Variants in NRXN3 observed in about 807,000 individuals in gnomAD.
NRXN3 encodes neurexin 3.
NRXN3 carries 32 observed loss-of-function variants against 137.6 expected under a neutral mutation model. The observed-to-expected ratio is 0.23, with a 90% CI of 0.18 to 0.31. The LOEUF is 0.31. NRXN3 is among the 10% of genes least tolerant of loss of function. The pLI, the probability that NRXN3 is intolerant of heterozygous loss-of-function variation, is 1.00. For missense variants in NRXN3, 1,574 were observed against 2,062.5 expected (o/e 0.76, Z 4.59); for synonymous variants, 798 against 784.5 (o/e 1.02, Z -0.29).
rs548516529 is a variant in NRXN3 at position 79,867,648 on chromosome 14, G to A, written c.*5684G>A. On this transcript the variant is annotated 3_prime_UTR_variant, in exon 21 of 21. Transcript: ENST00000335750. ...AACATATGAATGTTGGAGGGGATAT[G>A]GTTCTGTTTCTAGCAAATGTATAGT... 1 of 152,136 alleles carries A rather than the reference G, an allele frequency of 6.6e-6. No individual in the cohort carries two copies. Among genetic ancestry groups the A allele is most frequent in the African/African-American group, 2.4e-5 (1 of 41,416 alleles). 9.4% of individuals were successfully genotyped at this position (152,136 alleles called of 1,614,324 possible). A position where few individuals can be genotyped will look rare whatever the true frequency, so the allele number is the denominator to read the frequency against.
chr14:79,305,508 A>C (rs1053879134), intron 15 of NRXN3, among the ~76,000 whole-genome samples: 2 of 152,060 alleles, frequency 1.3e-5, no homozygotes, highest in African/African-American at 4.8e-5. Context: ...GGAATCATAG[A>C]GGTCATCTCA....
chr14:79,367,998 T>C, intron 15 of NRXN3, among the ~76,000 whole-genome samples: 1 of 152,182 alleles, frequency 6.6e-6, no homozygotes, highest in Middle Eastern at 3.2e-3. Flanking sequence ...AAGATCAGGG[T>C]TCCTGAACGT....
chr14:78,300,335 G>A (rs2076757043), intron 4 of NRXN3, among the ~76,000 whole-genome samples: 1 of 152,228 alleles, frequency 6.6e-6, no homozygotes, highest in South Asian at 2.1e-4. Context: ...ATGTGGCTGT[G>A]CAGTACTTTT....
At chr14:79,348,152 G>A (rs2092993274) in intron 15 of NRXN3, among the ~76,000 whole-genome samples, 1 of 151,852 alleles carries the variant, frequency 6.6e-6, no homozygotes, top group African/African-American at 2.4e-5. Context: ...CCAGTATATT[G>A]AAATTACCCA....
At position 79,754,752 on chromosome 14, in the gene NRXN3, A is replaced by C. The variant is rs369791836; in HGVS notation, c.4015-50360A>C. 2.6e-5 allele frequency among the ~76,000 whole-genome samples: 4 copies of C among 151,630 alleles called. No homozygotes were observed. In the East Asian group the frequency reaches 7.8e-4, roughly 29 times the overall value. On this transcript the variant is annotated intron_variant, in intron 19 of 20. Coordinates refer to ENST00000335750, the MANE Select transcript of NRXN3 (RefSeq NM_001330195.2). Reference sequence around the variant, plus strand: ...AATCTCATCTTGAATTATCATCTGAATTGTAATCCCTGTTTGTTGTGGGAG... The same window carrying C: ...AATCTCATCTTGAATTATCATCTGACTTGTAATCCCTGTTTGTTGTGGGAG...
At chr14:78,879,568 GTTAT>G (rs2099122680) in intron 10 of NRXN3, among the ~76,000 whole-genome samples, 6 of 152,044 alleles carry the variant, frequency 3.9e-5, no homozygotes. Context: ...TTTTAATTGG[GTTAT>G]TTGTTTACTT....
chr14:79,607,967 G>T (rs2098044463), intron 16 of NRXN3, among the ~76,000 whole-genome samples: 1 of 152,140 alleles, frequency 6.6e-6, no homozygotes, highest in Non-Finnish European at 1.5e-5. Context: ...CCACCACCGT[G>T]CCTGGCCATC....
chr14:78,193,125 T>C (rs1004837099), intron 1 of NRXN3, among the ~76,000 whole-genome samples: 8 of 152,184 alleles, frequency 5.3e-5, no homozygotes, highest in Non-Finnish European at 2.9e-5. Flanking sequence ...GAGAACTGCA[T>C]GATTCAGTGC....
intron 15 of NRXN3, among the ~76,000 whole-genome samples, chr14:79,116,453 C>T (rs954876479): frequency 1.1e-4 from 16 of 152,190 alleles, no homozygotes; most frequent in Admixed American, 2.6e-4. Flanking sequence ...GACCCCATTA[C>T]GCATACACCA....
chr14:78,747,586 A>G (rs1201337104), intron 8 of NRXN3, among the ~76,000 whole-genome samples: 1 of 152,162 alleles, frequency 6.6e-6, no homozygotes, highest in Non-Finnish European at 1.5e-5. Flanking sequence ...TCTTATTTGA[A>G]CTAAGAACCC....
chr14:79,690,403 G>T (rs1036771584), intron 17 of NRXN3, among the ~76,000 whole-genome samples: 1 of 151,782 alleles, frequency 6.6e-6, no homozygotes, highest in Non-Finnish European at 1.5e-5. Context: ...TTTCCTCTTT[G>T]CCTGCCCTCT....
intron 4 of NRXN3, among the ~76,000 whole-genome samples, chr14:78,419,961 G>GCGCGCGCACACACACACA (rs1555518606): frequency 5.3e-4 from 26 of 49,236 alleles, no homozygotes; most frequent in African/African-American, 1.2e-3. Context: ...GCGCGCGCAC[G>GCGCGCGCACACACACACA]CACACACACA....
intron 18 of NRXN3, among the ~76,000 whole-genome samples, chr14:79,695,137 C>G (rs993898098): frequency 6.6e-6 from 1 of 151,888 alleles, no homozygotes; most frequent in Non-Finnish European, 1.5e-5. Context: ...GCAAAGAGCA[C>G]TTTGTGGAGT....
At chr14:78,283,944 C>T (rs928795235) in intron 3 of NRXN3, among the ~76,000 whole-genome samples, 1 of 152,170 alleles carries the variant, frequency 6.6e-6, no homozygotes, top group Non-Finnish European at 1.5e-5. Flanking sequence ...GGCACTGTGA[C>T]CTATTCAAGT....
At chr14:79,373,905 G>A (rs775228373) in intron 15 of NRXN3, among the ~76,000 whole-genome samples, 5 of 151,950 alleles carry the variant, frequency 3.3e-5, no homozygotes, top group Non-Finnish European at 7.4e-5. Flanking sequence ...AGCCTGCTAG[G>A]GGCAGGAGGT....
At chr14:79,224,372 C>T (rs528101484) in intron 15 of NRXN3, among the ~76,000 whole-genome samples, 4 of 152,178 alleles carry the variant, frequency 2.6e-5, no homozygotes, top group South Asian at 2.1e-4. Flanking sequence ...GTGTGAATCA[C>T]TTGAGGATAT....
chr14:78,877,658 A>G (rs923951325), intron 10 of NRXN3, among the ~76,000 whole-genome samples: 7 of 152,202 alleles, frequency 4.6e-5, no homozygotes, highest in African/African-American at 1.7e-4. Context: ...TTATGAATCC[A>G]TGTGTAATGT....
intron 4 of NRXN3, among the ~76,000 whole-genome samples, chr14:78,418,003 C>T (rs2093239869): frequency 1.3e-5 from 2 of 152,160 alleles, no homozygotes; most frequent in Non-Finnish European, 1.5e-5. Flanking sequence ...ATGATCCACC[C>T]ATCTCAGCCT....
At chr14:79,732,132 T>C (rs985730406) in intron 19 of NRXN3, among the ~76,000 whole-genome samples, 2 of 152,054 alleles carry the variant, frequency 1.3e-5, no homozygotes, top group African/African-American at 4.8e-5. Flanking sequence ...CCTGGTAAAC[T>C]GGATTTTTTT....
Sources: gnomAD v4.1 joint callset for allele counts (sites outside exome capture counted in the v4.1 genomes callset) on GRCh38, gnomAD v4.1.1 for gene constraint, MANE v1.5 for transcripts, NCBI Gene and HGNC (gene_info 2026-07-23, HGNC 2026-07-21) for gene names.